The following FOCAD variants were observed in gnomAD, a reference collection of about 807,000 sequenced individuals.
The protein encoded by FOCAD is focadhesin.
FOCAD carries 198 observed loss-of-function variants against 225.6 expected under a neutral mutation model. The observed-to-expected ratio is 0.88, with a 90% CI of 0.78 to 0.99. The LOEUF (loss-of-function observed/expected upper bound fraction) is 0.99. Among genes scored for constraint, FOCAD ranks in the 50% least tolerant of loss-of-function variants. The pLI, the probability that FOCAD is intolerant of heterozygous loss-of-function variation, is 0.00. For synonymous variants in FOCAD, 897 were observed against 755.0 expected (o/e 1.19, Z -3.08); for missense variants, 2,713 against 2,123.6 (o/e 1.28, Z -5.46).
chr9:20,817,098 A>G (rs1276966244), intron 11 of FOCAD, among the ~76,000 whole-genome samples: 3 of 152,152 alleles, frequency 2.0e-5, no homozygotes, highest in Non-Finnish European at 2.9e-5. Context: ...AATATAGCAT[A>G]TGGCAAATAA....
intron 15 of FOCAD, among the ~76,000 whole-genome samples, chr9:20,842,044 A>T (rs986809547): frequency 1.3e-5 from 2 of 151,726 alleles, no homozygotes; most frequent in Non-Finnish European, 2.9e-5. Context: ...TTTAATTTCT[A>T]TGTGTTTGTA....
intron 11 of FOCAD, among the ~76,000 whole-genome samples, chr9:20,794,973 GAGA>G (rs1413737375): frequency 1.3e-5 from 2 of 152,104 alleles, no homozygotes; most frequent in Non-Finnish European, 2.9e-5. Flanking sequence ...TAAGCAAACA[GAGA>G]AGAAATATTG....
At chr9:20,973,436 A>G (rs1251774343) in intron 35 of FOCAD, among the ~76,000 whole-genome samples, 2 of 134,722 alleles carry the variant, frequency 1.5e-5, no homozygotes, top group East Asian at 2.2e-4. Context: ...AGCATCTGCT[A>G]ATTTGGTCTC....
intron 11 of FOCAD, among the ~76,000 whole-genome samples, chr9:20,806,348 T>A (rs1396887631): frequency 6.6e-6 from 1 of 152,180 alleles, no homozygotes; most frequent in Admixed American, 6.5e-5. Context: ...TCTTAGACAT[T>A]TTAAAATTAT....
chr9:20,888,117 A>ATTTTCTTTTTTTTTTTTTTT (rs1831267420), intron 21 of FOCAD, among the ~76,000 whole-genome samples: 1 of 72,224 alleles, frequency 1.4e-5, no homozygotes, highest in Non-Finnish European at 3.0e-5. Context: ...ATGTCTTTTC[A>ATTTTCTTTTTTTTTTTTTTT]TTTTCTTTTT....
chr9:20,978,345 A>C lies in FOCAD; in HGVS notation c.4268A>C (p.Glu1423Ala). 1 of 1,597,286 alleles carries C rather than the reference A, an allele frequency of 6.3e-7. No individual in the cohort carries two copies. The highest frequency in any genetic ancestry group is 8.5e-7 in the Non-Finnish European group (1 of 1,169,878). Residue 1423 changes from glutamate to alanine, a missense_variant, in exon 37 of 44, where the codon GAG becomes GCG. Glu to Ala is a moderately radical substitution (Grantham distance 107, BLOSUM62 -1). Transcript: ENST00000338382. ...SPLMRLNFGE[E>A]IQQLCLEIMV... The stretch of plus-strand genomic sequence containing the variant: ...TTCCTTTCTTGACTTTCAGGTGAAG[A>C]GATCCAGCAACTGTGCCTTGAAATT...
chr9:20,707,520 C>T (rs1322990700), intron 1 of FOCAD, among the ~76,000 whole-genome samples: 1 of 152,134 alleles, frequency 6.6e-6, no homozygotes, highest in Non-Finnish European at 1.5e-5. Context: ...ATATTATAAA[C>T]AGTTGATTCG....
intron 15 of FOCAD, among the ~76,000 whole-genome samples, chr9:20,855,571 A>G (rs901048762): frequency 6.6e-6 from 1 of 151,712 alleles, no homozygotes; most frequent in Non-Finnish European, 1.5e-5. Context: ...GGTATCCATC[A>G]CCTCAAGCAT....
intron 42 of FOCAD, 35 bp downstream of exon 42, chr9:20,990,409 C>A (rs918616788): frequency 2.5e-6 from 4 of 1,606,398 alleles, no homozygotes; most frequent in Admixed American, 1.7e-5. Context: ...GCAGGGCAGG[C>A]AGCCATTGTC....
At chr9:20,824,852 G>A (rs1012300526) in intron 15 of FOCAD, among the ~76,000 whole-genome samples, 1 of 151,984 alleles carries the variant, frequency 6.6e-6, no homozygotes, top group Admixed American at 6.6e-5. Context: ...TTTTTCGTCT[G>A]TTCATTCTTG....
intron 21 of FOCAD, among the ~76,000 whole-genome samples, chr9:20,904,724 T>G (rs893097619): frequency 6.6e-6 from 1 of 151,970 alleles, no homozygotes; most frequent in African/African-American, 2.4e-5. Context: ...TAAAACTGAG[T>G]GAGACAGTGG....
At chr9:20,883,465 G>C (rs1009858232) in intron 20 of FOCAD, among the ~76,000 whole-genome samples, 1 of 152,122 alleles carries the variant, frequency 6.6e-6, no homozygotes, top group Admixed American at 6.6e-5. Flanking sequence ...TCTTTTAACT[G>C]TACATGGAAA....
At chr9:20,727,446 T>C (rs565114288) in intron 4 of FOCAD, among the ~76,000 whole-genome samples, 421 of 152,324 alleles carry the variant, frequency 2.8e-3, no homozygotes, top group Middle Eastern at 0.01. Flanking sequence ...AATCAGGCCA[T>C]TTTTGGTACA....
intron 42 of FOCAD, among the ~76,000 whole-genome samples, chr9:20,992,958 T>C (rs1335399017): frequency 2.7e-5 from 4 of 149,322 alleles, no homozygotes; most frequent in Non-Finnish European, 5.9e-5. Flanking sequence ...CAAGACTCCA[T>C]CTAAAAAAAA....
intron 5 of FOCAD, among the ~76,000 whole-genome samples, chr9:20,741,153 G>A (rs1172434252): frequency 6.6e-6 from 1 of 152,160 alleles, no homozygotes; most frequent in African/African-American, 2.4e-5. Flanking sequence ...CATGGGCTAT[G>A]GTGATCAAAC....
intron 35 of FOCAD, among the ~76,000 whole-genome samples, chr9:20,956,507 A>T (rs1232006651): frequency 6.6e-6 from 1 of 152,176 alleles, no homozygotes; most frequent in African/African-American, 2.4e-5. Context: ...ATGTATGTGT[A>T]TGTGTTATAT....
intron 8 of FOCAD, among the ~76,000 whole-genome samples, chr9:20,773,386 G>C (rs1818428065): frequency 1.3e-5 from 2 of 152,174 alleles, no homozygotes; most frequent in Admixed American, 6.5e-5. Context: ...TATCCCTAAT[G>C]ATATTGAATT....
At chr9:20,839,517 T>A (rs1408918726) in intron 15 of FOCAD, among the ~76,000 whole-genome samples, 1 of 152,078 alleles carries the variant, frequency 6.6e-6, no homozygotes, top group Non-Finnish European at 1.5e-5. Context: ...CGCTTAGGCC[T>A]CTCAAAGTGC....
Position 20,720,606 on chromosome 9 carries a change from A to T in FOCAD, c.287+72A>T. The T allele has an allele frequency of 4.8e-6, 7 of 1,457,948 alleles. No homozygotes were observed. The South Asian group carries it at 8.9e-5, about 19-fold the overall frequency. 90.3% of individuals were successfully genotyped at this position (1,457,948 alleles called of 1,614,324 possible). A position where few individuals can be genotyped will look rare whatever the true frequency, so the allele number is the denominator to read the frequency against. On this transcript the variant is annotated intron_variant, in intron 4 of 43. Coordinates refer to ENST00000338382, the MANE Select transcript of FOCAD (RefSeq NM_001375567.1). The stretch of plus-strand genomic sequence containing the variant: ...GAAAAAAATTCACTAAATCACTATT[A>T]AGAGTCAGCATTCATCCTACTTGCC...
Sources: gnomAD v4.1 joint callset for allele counts (sites outside exome capture counted in the v4.1 genomes callset) on GRCh38, gnomAD v4.1.1 for gene constraint, MANE v1.5 for transcripts, NCBI Gene and HGNC (gene_info 2026-07-23, HGNC 2026-07-21) for gene names.